DLC1: variants seen among roughly 807,000 people sequenced by gnomAD.
The protein encoded by DLC1 is rho GTPase-activating protein 7.
DLC1 carries 54 observed loss-of-function variants against 140.3 expected under a neutral mutation model. That is an observed-to-expected ratio of 0.38 (90% CI 0.31 to 0.48). DLC1 has a LOEUF of 0.48. Ranked by LOEUF, DLC1 falls within the 20% of genes least tolerant of loss-of-function variation. The probability of loss-of-function intolerance (pLI) is 0.96; values close to 1 mark genes in which losing one functional copy is unlikely to be tolerated. For missense variants in DLC1, 2,536 were observed against 1,907.0 expected, an observed-to-expected ratio of 1.33 and a Z score of -6.14; for synonymous variants, 986 against 728.1, an observed-to-expected ratio of 1.35 and a Z score of -5.70.
At chr8:13,377,840 T>C (rs1482511836) in intron 4 of DLC1, among the ~76,000 whole-genome samples, 4 of 151,966 alleles carry the variant, frequency 2.6e-5, no homozygotes, top group Admixed American at 6.6e-5. Flanking sequence ...ATTGGCCTCC[T>C]ATTTCGAGTC....
chr8:13,598,229 T>G (rs1192815607), intron 1 of DLC1, among the ~76,000 whole-genome samples: 5 of 152,160 alleles, frequency 3.3e-5, no homozygotes, highest in Admixed American at 1.3e-4. Flanking sequence ...CATCATCTCT[T>G]TCTTAATTTG....
intron 5 of DLC1, among the ~76,000 whole-genome samples, chr8:13,145,440 G>A (rs1483463275): frequency 6.6e-6 from 1 of 152,148 alleles, no homozygotes; most frequent in African/African-American, 2.4e-5. Flanking sequence ...ATAGAAAGGT[G>A]TGTTACTACA....
At chr8:13,391,906 A>T (rs910972408) in intron 4 of DLC1, among the ~76,000 whole-genome samples, 2 of 98,484 alleles carry the variant, frequency 2.0e-5, no homozygotes, top group African/African-American at 8.7e-5. Flanking sequence ...TGTTGAAAAA[A>T]AAGAAAAAGC....
intron 2 of DLC1, among the ~76,000 whole-genome samples, chr8:13,472,620 A>G (rs11780737): frequency 0.47 from 71,718 of 152,002 alleles, 17,098 homozygotes; most frequent in African/African-American, 0.49. Context: ...TTTCATTGGG[A>G]AGAACCAGCC....
At chr8:13,156,960 T>C (rs1459441289) in intron 5 of DLC1, among the ~76,000 whole-genome samples, 1 of 152,134 alleles carries the variant, frequency 6.6e-6, no homozygotes, top group Non-Finnish European at 1.5e-5. Flanking sequence ...TAGAGTAAAA[T>C]TCCAGGATTA....
chr8:13,207,979 G>T (rs1363591542), intron 5 of DLC1, among the ~76,000 whole-genome samples: 2 of 152,186 alleles, frequency 1.3e-5, no homozygotes, highest in Non-Finnish European at 2.9e-5. Context: ...TGAATTACCA[G>T]TTGAGATTCT....
chr8:13,092,854 G>C (rs758496350), intron 12 of DLC1, 29 bp from the exon 13 acceptor site: 11 of 1,598,852 alleles, frequency 6.9e-6, no homozygotes, highest in Admixed American at 1.7e-5. Context: ...TTCTCCATCA[G>C]CTTGGTGAAT....
chr8:13,292,295 C>G (rs116009679), intron 5 of DLC1, among the ~76,000 whole-genome samples: 3 of 152,092 alleles, frequency 2.0e-5, no homozygotes, highest in Admixed American at 6.5e-5. Context: ...TGGGGATGAG[C>G]GGTCACTGCT....
At chr8:13,179,277 G>A (rs766905357) in intron 5 of DLC1, among the ~76,000 whole-genome samples, 1 of 151,314 alleles carries the variant, frequency 6.6e-6, no homozygotes, top group East Asian at 1.9e-4. Flanking sequence ...GAGGTGGGGG[G>A]TGGGGCAGGA....
At chr8:13,281,861 C>G (rs561514549) in intron 5 of DLC1, among the ~76,000 whole-genome samples, 11 of 152,286 alleles carry the variant, frequency 7.2e-5, no homozygotes, top group Admixed American at 3.3e-4. Context: ...CTTTCTGAAG[C>G]TAAGATCTCT....
intron 5 of DLC1, among the ~76,000 whole-genome samples, chr8:13,126,784 C>G (rs1055720105): frequency 6.6e-6 from 1 of 152,346 alleles, no homozygotes; most frequent in African/African-American, 2.4e-5. Flanking sequence ...TCTCCCGCAA[C>G]ATTGGCTTTT....
At chr8:13,197,691 C>G (rs1827151819) in intron 5 of DLC1, among the ~76,000 whole-genome samples, 1 of 151,572 alleles carries the variant, frequency 6.6e-6, no homozygotes, top group African/African-American at 2.4e-5. Context: ...TTAACAAATA[C>G]ATTTTTGTGA....
rs187100890 is a variant in DLC1, at chr8:13,571,317, A to T, written c.-126+33220T>A. Among the ~76,000 whole-genome samples, 366 of 152,236 alleles carry T rather than the reference A, an allele frequency of 2.4e-3. 5 individuals are homozygous for T. The highest frequency in any genetic ancestry group is 7.3e-3 in the East Asian group (38 of 5,172). ...TGCAACCATCACCACTGTTTTCAGA[A>T]TTTTTTATCACCTCAAACAGAAACT... On this transcript the variant is annotated intron_variant, in intron 1 of 1. Transcript: ENST00000631382.
chr8:13,516,138 C>T (rs574413615), upstream of DLC1, among the ~76,000 whole-genome samples: 2 of 152,024 alleles, frequency 1.3e-5, no homozygotes, highest in Non-Finnish European at 2.9e-5. Context: ...CAATGGATTT[C>T]GCTGCTATTT....
intron 5 of DLC1, among the ~76,000 whole-genome samples, chr8:13,137,543 G>A (rs1262522627): frequency 6.7e-6 from 1 of 150,366 alleles, no homozygotes; most frequent in East Asian, 2.0e-4. Context: ...GACCTGTGCT[G>A]TTCACTGCCT....
intron 4 of DLC1, among the ~76,000 whole-genome samples, chr8:13,337,989 G>GTA (rs1271504772): frequency 2.0e-5 from 3 of 152,126 alleles, no homozygotes; most frequent in Non-Finnish European, 2.9e-5. Flanking sequence ...ACGTTGAGTA[G>GTA]TATACTTCAG....
intron 4 of DLC1, among the ~76,000 whole-genome samples, chr8:13,383,178 A>G (rs1229996415): frequency 1.3e-5 from 2 of 152,238 alleles, no homozygotes; most frequent in Non-Finnish European, 2.9e-5. Context: ...GAACTGGTGG[A>G]TCAACCCCAG....
intron 5 of DLC1, among the ~76,000 whole-genome samples, chr8:13,236,117 T>A (rs988253753): frequency 6.6e-6 from 1 of 152,046 alleles, no homozygotes; most frequent in Non-Finnish European, 1.5e-5. Flanking sequence ...GAAACAATCA[T>A]TAAGGATTAA....
intron 5 of DLC1, among the ~76,000 whole-genome samples, chr8:13,183,444 C>G (rs989338826): frequency 1.3e-5 from 2 of 152,168 alleles, no homozygotes; most frequent in Non-Finnish European, 2.9e-5. Flanking sequence ...ATGATATTGG[C>G]TGTGGGTTTG....
Sources: gnomAD v4.1 joint callset for allele counts (sites outside exome capture counted in the v4.1 genomes callset) on GRCh38, gnomAD v4.1.1 for gene constraint, MANE v1.5 for transcripts, NCBI Gene and HGNC (gene_info 2026-07-23, HGNC 2026-07-21) for gene names.